The following CPNE5 variants were observed in gnomAD, a reference collection of about 807,000 sequenced individuals.
CPNE5 encodes the protein copine-5.
In CPNE5, 42 loss-of-function variants were observed where a neutral mutation model predicts 81.1. That is an observed-to-expected ratio of 0.52 (90% CI 0.40 to 0.67). The LOEUF (loss-of-function observed/expected upper bound fraction) is 0.67. CPNE5 is among the 30% of genes least tolerant of loss of function. The pLI, the probability that CPNE5 is intolerant of heterozygous loss-of-function variation, is 0.00. For missense variants in CPNE5, 612 were observed against 815.5 expected, an observed-to-expected ratio of 0.75 and a Z score of 3.04; for synonymous variants, 313 against 321.5, an observed-to-expected ratio of 0.97 and a Z score of 0.28.
At chr6:36,781,665 C>G (rs767465468) in intron 8 of CPNE5, among the ~76,000 whole-genome samples, 1 of 152,128 alleles carries the variant, frequency 6.6e-6, no homozygotes, top group Non-Finnish European at 1.5e-5. Flanking sequence ...AGGGATGTGG[C>G]CCAGGACTTG....
chr6:36,794,496 T>C, intron 7 of CPNE5, 94 bp downstream of exon 7: 2 of 1,198,230 alleles, frequency 1.7e-6, no homozygotes. Context: ...TTCGCAGTGA[T>C]GGGAGCAGGG....
chr6:36,828,005 C>T (rs558497636), intron 1 of CPNE5, among the ~76,000 whole-genome samples: 4 of 152,166 alleles, frequency 2.6e-5, no homozygotes, highest in East Asian at 1.9e-4. Context: ...CTTCCCCTTG[C>T]GGAATCATTT....
Position 36,763,004 on chromosome 6 carries a change from G to A in CPNE5, c.780-12C>T. 1 of 1,613,614 alleles carries A rather than the reference G, an allele frequency of 6.2e-7. No individual in the cohort carries two copies. The highest frequency in any genetic ancestry group is 8.5e-7 in the Non-Finnish European group (1 of 1,179,564). On this transcript the variant is annotated splice_polypyrimidine_tract_variant and intron_variant, in intron 11 of 20. Transcript: ENST00000244751. The stretch of plus-strand genomic sequence containing the variant: ...CAATGAAGTCATGGCTGCAAGGGAA[G>A]ACGGCTGCTGAGACCAAGGCCAGGC...
intron 1 of CPNE5, among the ~76,000 whole-genome samples, chr6:36,832,611 T>C (rs910271517): frequency 1.3e-5 from 2 of 150,262 alleles, no homozygotes; most frequent in African/African-American, 4.9e-5. Flanking sequence ...GACGACTGGG[T>C]CCTTGATGAT....
chr6:36,744,431 T>C, intron 18 of CPNE5, 106 bp from the exon 19 acceptor site: 4 of 827,952 alleles, frequency 4.8e-6, no homozygotes, highest in South Asian at 2.9e-5. Context: ...AGGAAAGAAA[T>C]GGGAGAGTGA....
At chr6:36,788,377 A>G (rs1024355835) in intron 8 of CPNE5, among the ~76,000 whole-genome samples, 27 of 152,144 alleles carry the variant, frequency 1.8e-4, no homozygotes, top group African/African-American at 6.0e-4. Flanking sequence ...TGAGGGCAGT[A>G]GCCCCACAAG....
intron 1 of CPNE5, among the ~76,000 whole-genome samples, chr6:36,836,102 G>T (rs1459476163): frequency 6.6e-6 from 1 of 152,170 alleles, no homozygotes; most frequent in Non-Finnish European, 1.5e-5. Context: ...TAACCGTTGT[G>T]CCAAATAACC....
chr6:36,812,036 G>A (rs1325352281), intron 3 of CPNE5, among the ~76,000 whole-genome samples: 1 of 152,148 alleles, frequency 6.6e-6, no homozygotes, highest in African/African-American at 2.4e-5. Context: ...CCCAGGAGGT[G>A]GAGGTTGCAG....
intron 3 of CPNE5, among the ~76,000 whole-genome samples, chr6:36,818,261 C>A (rs113423185): frequency 2.6e-5 from 4 of 152,182 alleles, no homozygotes; most frequent in African/African-American, 9.7e-5. Flanking sequence ...GGCCTTCTGG[C>A]TGCGACTTTC....
At chr6:36,760,052 CAAA>C (rs773932389) in intron 12 of CPNE5, among the ~76,000 whole-genome samples, 1 of 124,100 alleles carries the variant, frequency 8.1e-6, no homozygotes, top group Non-Finnish European at 1.7e-5. Context: ...ACCAAAAATG[CAAA>C]AAAAAAAAAA....
At chr6:36,744,218 G>A in intron 19 of CPNE5, 50 bp downstream of exon 19, 1 of 1,448,588 alleles carries the variant, frequency 6.9e-7, no homozygotes, top group Admixed American at 2.0e-5. Flanking sequence ...GTGGGGGCAG[G>A]GTTGCGTGGC....
intron 3 of CPNE5, among the ~76,000 whole-genome samples, chr6:36,813,455 C>T (rs1194995791): frequency 2.0e-5 from 3 of 152,136 alleles, no homozygotes; most frequent in Admixed American, 6.5e-5. Flanking sequence ...CACTTGAACC[C>T]GGGAGGCAGA....
chr6:36,750,784 T>G (rs1204894358), intron 14 of CPNE5, among the ~76,000 whole-genome samples: 1 of 152,190 alleles, frequency 6.6e-6, no homozygotes. Flanking sequence ...TGTGGGACTA[T>G]ACTGGAGGGA....
intron 1 of CPNE5, chr6:36,827,778 C>T (rs1772631183): frequency 1.0e-6 from 1 of 984,174 alleles, no homozygotes; most frequent in Non-Finnish European, 1.2e-6. Context: ...GCCCGAGACA[C>T]CAGGGCACAG....
At chr6:36,765,883 C>T (rs1766522500) in intron 10 of CPNE5, among the ~76,000 whole-genome samples, 1 of 152,210 alleles carries the variant, frequency 6.6e-6, no homozygotes, top group South Asian at 2.1e-4. Context: ...GGATGGCCCG[C>T]TGAGCTTTTC....
chr6:36,781,997 T>C (rs1253568050), intron 8 of CPNE5, among the ~76,000 whole-genome samples: 4 of 152,062 alleles, frequency 2.6e-5, no homozygotes, highest in Admixed American at 1.3e-4. Context: ...TCACTCAAGC[T>C]CTCAGAGCCT....
intron 10 of CPNE5, among the ~76,000 whole-genome samples, chr6:36,771,697 C>T (rs898160953): frequency 1.3e-5 from 2 of 152,096 alleles, no homozygotes; most frequent in African/African-American, 4.8e-5. Context: ...CTGTGAGGCT[C>T]CAAGAGGTGT....
chr6:36,828,949 C>A (rs541627262), intron 1 of CPNE5, among the ~76,000 whole-genome samples: 2 of 152,214 alleles, frequency 1.3e-5, no homozygotes, highest in South Asian at 2.1e-4. Flanking sequence ...ACAGTCCCCC[C>A]CTCCCAGGAG....
Position 36,774,969 on chromosome 6 carries a change from G to A in CPNE5, c.729C>T (p.Asp243=). ...SIPVRALCNG[D]YDRTIKVEVY... ...ACATTTTCTCATCTCACCGATCGTA[G>A]TCGCCGTTGCAGAGGGCTCTCACGG... is the stretch of plus-strand genomic sequence containing the variant. The change falls in exon 10 of 21, where the codon GAC becomes GAT. Residue 243 remains aspartate (D), a synonymous_variant. Coordinates refer to ENST00000244751, the MANE Select transcript of CPNE5 (RefSeq NM_020939.2). The A allele has an allele frequency of 6.2e-7, 1 of 1,613,330 alleles. No homozygotes were observed.
Sources: gnomAD v4.1 joint callset for allele counts (sites outside exome capture counted in the v4.1 genomes callset) on GRCh38, gnomAD v4.1.1 for gene constraint, MANE v1.5 for transcripts, NCBI Gene and HGNC (gene_info 2026-07-23, HGNC 2026-07-21) for gene names.